The following ITGA11 variants were observed in gnomAD, a reference collection of about 807,000 sequenced individuals.
ITGA11 encodes the protein integrin subunit alpha 11, also known as integrin alpha-11.
A neutral mutation model predicts 141.9 loss-of-function variants in ITGA11; 97 were observed. That is an observed-to-expected ratio of 0.68 (90% confidence interval 0.58 to 0.81). The LOEUF (loss-of-function observed/expected upper bound fraction) is 0.81. ITGA11 is among the 30% of genes least tolerant of loss of function. The pLI, the probability that ITGA11 is intolerant of heterozygous loss-of-function variation, is 0.00. For missense variants in ITGA11, 1,387 were observed against 1,559.2 expected (o/e 0.89, Z 1.86); for synonymous variants, 658 against 624.6 (o/e 1.05, Z -0.80).
At chr15:68,383,249 C>T (rs8028080) in intron 2 of ITGA11, among the ~76,000 whole-genome samples, 7,017 of 149,172 alleles carry the variant, frequency 0.047, 535 homozygotes, top group African/African-American at 0.16. Flanking sequence ...CCAGCCTGGT[C>T]GACAGAGCGA....
At chr15:68,350,155 G>C (rs1894858245) in intron 9 of ITGA11, among the ~76,000 whole-genome samples, 1 of 152,092 alleles carries the variant, frequency 6.6e-6, no homozygotes, top group African/African-American at 2.4e-5. Flanking sequence ...CTCACGTCCG[G>C]CACGGAGTAA....
intron 10 of ITGA11, among the ~76,000 whole-genome samples, chr15:68,346,530 T>C (rs1324563469): frequency 6.6e-6 from 1 of 152,228 alleles, no homozygotes; most frequent in Non-Finnish European, 1.5e-5. Flanking sequence ...TTCTTTAATG[T>C]ACCTGGTACA....
chr15:68,336,974 T>C (rs1894379813), intron 11 of ITGA11, among the ~76,000 whole-genome samples: 1 of 152,284 alleles, frequency 6.6e-6, no homozygotes. Context: ...GCTTGACAGG[T>C]CCATAATACC....
chr15:68,316,398 G>A (rs1412965905), intron 21 of ITGA11, among the ~76,000 whole-genome samples: 1 of 152,218 alleles, frequency 6.6e-6, no homozygotes, highest in African/African-American at 2.4e-5. Context: ...GACCCCTGAT[G>A]CGCTCCCTGG....
intron 7 of ITGA11, among the ~76,000 whole-genome samples, chr15:68,354,028 C>T (rs1453914796): frequency 6.6e-6 from 1 of 152,086 alleles, no homozygotes; most frequent in African/African-American, 2.4e-5. Flanking sequence ...TTTCAAATCT[C>T]CAATCAAAGG....
At chr15:68,334,147 C>A (rs528113702) in intron 12 of ITGA11, among the ~76,000 whole-genome samples, 2 of 152,250 alleles carry the variant, frequency 1.3e-5, no homozygotes, top group Non-Finnish European at 2.9e-5. Flanking sequence ...AGGCATTGAG[C>A]CTGCTGTGTT....
At chr15:68,350,186 T>C (rs1001315166) in intron 9 of ITGA11, among the ~76,000 whole-genome samples, 3 of 152,154 alleles carry the variant, frequency 2.0e-5, no homozygotes, top group Non-Finnish European at 2.9e-5. Flanking sequence ...TTGGCATTTA[T>C]GATTTATTTA....
chr15:68,330,246 G>C (rs1374112770), intron 15 of ITGA11, among the ~76,000 whole-genome samples: 1 of 152,122 alleles, frequency 6.6e-6, no homozygotes. Flanking sequence ...TTCTCCCTGT[G>C]AAGTTATATA....
intron 2 of ITGA11, among the ~76,000 whole-genome samples, chr15:68,372,983 T>C (rs1387373874): frequency 1.3e-5 from 2 of 152,244 alleles, no homozygotes; most frequent in African/African-American, 4.8e-5. Flanking sequence ...TAATAAACTG[T>C]ATATTAAATG....
At position 68,326,757 on chromosome 15, in the gene ITGA11, G is replaced by A. The variant is rs763095453; in HGVS notation, c.2108C>T (p.Thr703Ile). The change falls in exon 17 of 30, where the codon ACA becomes ATA. Residue 703 changes from threonine to isoleucine, a missense_variant. Physicochemically the swap from Thr to Ile is moderately conservative, Grantham distance 89 (BLOSUM62 -1). Transcript: ENST00000315757. The surrounding 1 kb of genome is among the most constrained non-coding windows in gnomAD (Gnocchi z 6.8). ...YNATMDERRY[T>I]PRAHLDEGGD... ...GCCCTCGTCCAGGTGGGCCCTCGGT[G>A]TATACCGCCTCTCATCCATGGTGGC... 1.7e-5 allele frequency: 27 copies of A among 1,581,320 alleles called. No homozygotes were observed. Among genetic ancestry groups the A allele is most frequent in the Non-Finnish European group, 2.1e-5 (24 of 1,163,390 alleles).
At chr15:68,323,835 C>T (rs933661579) in intron 18 of ITGA11, among the ~76,000 whole-genome samples, 2 of 152,166 alleles carry the variant, frequency 1.3e-5, no homozygotes, top group African/African-American at 4.8e-5. Context: ...TCTGACCTAT[C>T]ATCTGATTGC....
chr15:68,370,256 A>G (rs1449397536), intron 2 of ITGA11, among the ~76,000 whole-genome samples: 1 of 152,190 alleles, frequency 6.6e-6, no homozygotes, highest in Non-Finnish European at 1.5e-5. Flanking sequence ...ACTTACTTAC[A>G]TGTACCTAGG....
At chr15:68,363,134 A>G (rs1895305006) in intron 4 of ITGA11, among the ~76,000 whole-genome samples, 1 of 152,190 alleles carries the variant, frequency 6.6e-6, no homozygotes, top group Non-Finnish European at 1.5e-5. Flanking sequence ...CGATGTATAG[A>G]CAGATGGGTA....
At position 68,303,147 on chromosome 15, in the gene ITGA11, G is replaced by A. The variant is rs1240213923; in HGVS notation, c.3496-17C>T. 2 of 1,550,040 alleles carry A rather than the reference G, an allele frequency of 1.3e-6. No homozygotes were observed. Among genetic ancestry groups the A allele is most frequent in the Non-Finnish European group, 1.7e-6 (2 of 1,146,430 alleles). ...GAAGCCGAGCTGTGAGGAGGCAAAG[G>A]GAGACGTCTCAGAGGAGGACAGGGT... On this transcript the variant is annotated splice_polypyrimidine_tract_variant and intron_variant, in intron 29 of 29. Transcript: ENST00000315757. The surrounding 1 kb of genome is among the most constrained non-coding windows in gnomAD (Gnocchi z 5.3).
At chr15:68,383,056 G>A (rs1296842754) in intron 2 of ITGA11, among the ~76,000 whole-genome samples, 2 of 152,192 alleles carry the variant, frequency 1.3e-5, no homozygotes, top group Admixed American at 6.5e-5. Flanking sequence ...CGGATCACAA[G>A]GTCAGGAGAT....
intron 1 of ITGA11, among the ~76,000 whole-genome samples, chr15:68,425,565 G>A (rs2140441911): frequency 6.6e-6 from 1 of 152,336 alleles, no homozygotes; most frequent in South Asian, 2.1e-4. Context: ...TGGAGGAGGT[G>A]GGGCAAGGGC....
At chr15:68,364,240 C>A (rs1040536387) in intron 4 of ITGA11, among the ~76,000 whole-genome samples, 4 of 152,110 alleles carry the variant, frequency 2.6e-5, no homozygotes, top group Non-Finnish European at 5.9e-5. Flanking sequence ...CTGTGGTAGT[C>A]TGTGTTTACT....
chr15:68,386,358 C>T (rs1188188518), intron 2 of ITGA11, among the ~76,000 whole-genome samples: 2 of 152,126 alleles, frequency 1.3e-5, no homozygotes, highest in Non-Finnish European at 1.5e-5. Context: ...CCTACTGCCT[C>T]GCAGTCCATC....
intron 1 of ITGA11, among the ~76,000 whole-genome samples, chr15:68,424,292 G>A (rs376025743): frequency 2.0e-5 from 3 of 152,330 alleles, no homozygotes; most frequent in East Asian, 1.9e-4. Flanking sequence ...GTTCCAGAAG[G>A]ACTGAGAGTC....
Sources: gnomAD v4.1 joint callset for allele counts (sites outside exome capture counted in the v4.1 genomes callset) on GRCh38, gnomAD v4.1.1 for gene constraint, Gnocchi (gnomAD v3.1) non-coding constraint, MANE v1.5 for transcripts, NCBI Gene and HGNC (gene_info 2026-07-23, HGNC 2026-07-21) for gene names.